Variants in CNTN3 observed in about 807,000 individuals in gnomAD.
CNTN3 encodes the protein contactin 3.
Under a neutral mutation model 119.1 loss-of-function variants are expected in CNTN3, and 60 were observed. The ratio of observed to expected loss-of-function variants is 0.50; its 90% CI spans 0.41 to 0.62. CNTN3 has a LOEUF of 0.62. Ranked by LOEUF, CNTN3 falls within the 20% of genes least tolerant of loss-of-function variation. The pLI is 0.00. For missense variants in CNTN3, 1,101 were observed against 1,242.4 expected, an observed-to-expected ratio of 0.89 and a Z score of 1.71; for synonymous variants, 450 against 438.7, an observed-to-expected ratio of 1.03 and a Z score of -0.32.
At chr3:74,402,929 T>C (rs1372153911) in intron 5 of CNTN3, among the ~76,000 whole-genome samples, 2 of 152,144 alleles carry the variant, frequency 1.3e-5, no homozygotes, top group Non-Finnish European at 2.9e-5. Context: ...ACACTGGGCA[T>C]GGTGCTCTGA....
intron 5 of CNTN3, among the ~76,000 whole-genome samples, chr3:74,410,659 T>A (rs1316892115): frequency 6.6e-6 from 1 of 152,162 alleles, no homozygotes; most frequent in Admixed American, 6.6e-5. Flanking sequence ...GGATACAATA[T>A]GTTTTGGCAG....
intron 20 of CNTN3, among the ~76,000 whole-genome samples, chr3:74,272,432 T>C (rs1240348813): frequency 6.6e-6 from 1 of 152,204 alleles, no homozygotes; most frequent in Non-Finnish European, 1.5e-5. Context: ...AAATTCCTGT[T>C]TGAATACTGG....
chr3:74,590,098 TAAAGTATAATAATAAAAA>T (rs1704674358), intron 1 of CNTN3, among the ~76,000 whole-genome samples: 2 of 151,708 alleles, frequency 1.3e-5, no homozygotes, highest in Non-Finnish European at 2.9e-5. Flanking sequence ...CCCTAAAACT[TAAAGTATAATAATAAAAA>T]AAAGTATAAT....
Position 74,602,157 on chromosome 3 carries a change from T to C in CNTN3, c.-81+12234A>G, listed in dbSNP as rs114606112. Among the ~76,000 whole-genome samples the C allele has an allele frequency of 5.3e-3, 803 of 151,328 alleles. 8 individuals are homozygous for C. The highest frequency in any genetic ancestry group is 0.018 in the African/African-American group (755 of 41,322). On this transcript the variant is annotated intron_variant, in intron 1 of 22. Coordinates refer to ENST00000263665, the MANE Select transcript of CNTN3 (RefSeq NM_020872.3). ...ATTAAAAATTAGCCAGGCACGGTGGTGCATGGCTGTAGTCCCAGCTACTTG... is the reference window on the plus strand; with the variant it reads ...ATTAAAAATTAGCCAGGCACGGTGGCGCATGGCTGTAGTCCCAGCTACTTG...
chr3:74,312,014 T>G (rs1294489536), intron 13 of CNTN3, among the ~76,000 whole-genome samples: 1 of 152,134 alleles, frequency 6.6e-6, no homozygotes, highest in Non-Finnish European at 1.5e-5. Flanking sequence ...TAGGGGGTGC[T>G]GCACACTTGT....
At position 74,504,324 on chromosome 3, in the gene CNTN3, C is replaced by T. The variant is rs574068663; in HGVS notation, c.56-4539G>A. On this transcript the variant is annotated intron_variant, in intron 2 of 22. Transcript: ENST00000263665. Reference sequence around the variant, plus strand: ...GACATAAATTTAGAAAGGAATATTCCGTGCACTTACAAGGCATCAATCCCA... The same window carrying T: ...GACATAAATTTAGAAAGGAATATTCTGTGCACTTACAAGGCATCAATCCCA... 7.8e-4 allele frequency among the ~76,000 whole-genome samples: 119 copies of T among 152,218 alleles called. No individual in the cohort carries two copies. In the Middle Eastern group the frequency reaches 0.017, roughly 22 times the overall value.
At position 74,411,397 on chromosome 3, in the gene CNTN3, C is replaced by T. The variant is rs114663477; in HGVS notation, c.454+13448G>A. Among the ~76,000 whole-genome samples the T allele has an allele frequency of 8.9e-3, 1,355 of 152,148 alleles. 19 individuals are homozygous for T. Among genetic ancestry groups the T allele is most frequent in the African/African-American group, 0.031 (1,299 of 41,542 alleles). On this transcript the variant is annotated intron_variant, in intron 5 of 22. Coordinates refer to ENST00000263665, the MANE Select transcript of CNTN3 (RefSeq NM_020872.3). ...CCTGAAGTGTGCTGCTCAGAACATC[C>T]GGTCCTGCAAGATGCTCCATAAACA...
intron 16 of CNTN3, among the ~76,000 whole-genome samples, chr3:74,301,174 A>G (rs1430431598): frequency 1.3e-5 from 2 of 152,202 alleles, no homozygotes; most frequent in African/African-American, 4.8e-5. Context: ...ACTAATGATC[A>G]TTTACAATGG....
intron 1 of CNTN3, among the ~76,000 whole-genome samples, chr3:74,548,545 T>C (rs1175955689): frequency 1.3e-5 from 2 of 152,124 alleles, no homozygotes; most frequent in Non-Finnish European, 2.9e-5. Flanking sequence ...TATTATCCTT[T>C]TAATACATTG....
At chr3:74,276,626 C>A (rs1701885461) in intron 20 of CNTN3, among the ~76,000 whole-genome samples, 1 of 151,128 alleles carries the variant, frequency 6.6e-6, no homozygotes, top group South Asian at 2.1e-4. Context: ...TGGGATACAG[C>A]AAAGGCAATG....
chr3:74,491,487 C>T (rs777316755), intron 3 of CNTN3, among the ~76,000 whole-genome samples: 2 of 152,008 alleles, frequency 1.3e-5, no homozygotes, highest in Non-Finnish European at 2.9e-5. Flanking sequence ...GCAACAGAAC[C>T]AGATCCTGTC....
intron 5 of CNTN3, among the ~76,000 whole-genome samples, chr3:74,384,797 G>A (rs1177015519): frequency 1.3e-5 from 2 of 152,080 alleles, no homozygotes; most frequent in African/African-American, 2.4e-5. Flanking sequence ...CACTTTTTCT[G>A]TCTTTTCTGA....
At chr3:74,558,900 T>C (rs772829742) in intron 1 of CNTN3, among the ~76,000 whole-genome samples, 4 of 151,610 alleles carry the variant, frequency 2.6e-5, no homozygotes, top group Non-Finnish European at 4.4e-5. Flanking sequence ...ATGAGAATCA[T>C]TGAAACTGGG....
intron 1 of CNTN3, among the ~76,000 whole-genome samples, chr3:74,564,064 C>A (rs1397730708): frequency 1.3e-5 from 2 of 151,982 alleles, no homozygotes; most frequent in African/African-American, 2.4e-5. Context: ...AGAAGTCAGT[C>A]AATAAAAAAT....
At chr3:74,330,257 G>A (rs1703229650) in intron 13 of CNTN3, among the ~76,000 whole-genome samples, 1 of 152,028 alleles carries the variant, frequency 6.6e-6, no homozygotes, top group African/African-American at 2.4e-5. Flanking sequence ...TAGGGAGGCT[G>A]AGCCTTGAGG....
chr3:74,298,032 C>T lies in CNTN3; in HGVS notation c.2326G>A (p.Val776Ile). ...ESIVPYSPYEVKVGVYNNKGE... is the reference protein window; with the variant it reads ...ESIVPYSPYEIKVGVYNNKGE... ...TTGTTATTATAAACACCCACTTTAA[C>T]TTCATATGGTGAATATGGCACGATG... is the stretch of plus-strand genomic sequence containing the variant. The change falls in exon 18 of 23, where the codon GTT (valine) becomes ATT (isoleucine). Residue 776 changes from valine (V) to isoleucine (I), a missense_variant. Coordinates refer to ENST00000263665, the MANE Select transcript of CNTN3 (RefSeq NM_020872.3). The T allele has an allele frequency of 1.2e-6, 2 of 1,614,082 alleles. No individual in the cohort carries two copies. The highest frequency in any genetic ancestry group is 2.2e-5 in the East Asian group (1 of 44,862).
chr3:74,525,351 T>G (rs914894585), intron 1 of CNTN3, among the ~76,000 whole-genome samples: 1 of 151,936 alleles, frequency 6.6e-6, no homozygotes, highest in African/African-American at 2.4e-5. Context: ...TTTTAAATTA[T>G]GTTGCTTATT....
At chr3:74,599,594 T>G (rs1179473508) in intron 1 of CNTN3, among the ~76,000 whole-genome samples, 1 of 152,074 alleles carries the variant, frequency 6.6e-6, no homozygotes, top group East Asian at 1.9e-4. Flanking sequence ...TGCACTCCTA[T>G]GAGGATCTCA....
chr3:74,342,976 C>A (rs1469317773), intron 11 of CNTN3, among the ~76,000 whole-genome samples: 1 of 152,142 alleles, frequency 6.6e-6, no homozygotes, highest in Non-Finnish European at 1.5e-5. Flanking sequence ...ACAAATAATT[C>A]TCTGATGTCT....
Sources: gnomAD v4.1 joint callset for allele counts (sites outside exome capture counted in the v4.1 genomes callset) on GRCh38, gnomAD v4.1.1 for gene constraint, MANE v1.5 for transcripts, NCBI Gene and HGNC (gene_info 2026-07-23, HGNC 2026-07-21) for gene names.